Variants in SVOPL observed in about 807,000 individuals in gnomAD.
SVOPL encodes the protein SVOP like, also known as putative transporter SVOPL.
In SVOPL, 60 loss-of-function variants were observed where a neutral mutation model predicts 61.0. The observed-to-expected ratio is 0.98, with a 90% CI of 0.80 to 1.22. The LOEUF (loss-of-function observed/expected upper bound fraction) is 1.22. Among genes scored for constraint, SVOPL ranks in the 50% most tolerant of loss-of-function variants. The probability of loss-of-function intolerance (pLI) is 0.00; values close to 1 mark genes in which losing one functional copy is unlikely to be tolerated. For missense variants in SVOPL, 662 were observed against 643.9 expected, an observed-to-expected ratio of 1.03 and a Z score of -0.30; for synonymous variants, 279 against 250.0, an observed-to-expected ratio of 1.12 and a Z score of -1.09.
Position 138,627,454 on chromosome 7 carries a change from A to G in SVOPL, c.1077T>C (p.Pro359=). 6.2e-7 allele frequency: 1 copy of G among 1,612,120 alleles called. No homozygotes were observed. The highest frequency in any genetic ancestry group is 2.2e-5 in the East Asian group (1 of 44,864). The change falls in exon 12 of 16, where the codon CCT becomes CCC. Residue 359 remains proline, a synonymous_variant. Coordinates refer to ENST00000674285, the MANE Select transcript of SVOPL (RefSeq NM_001139456.2). ...ISTIGEIALN[P]LNILGINFLG... Reference sequence around the variant, plus strand: ...GGAAATTGATGCCCAGTATATTTAAAGGATTCACTAGAAAGCAAACAGTAA... The same window carrying G: ...GGAAATTGATGCCCAGTATATTTAAGGGATTCACTAGAAAGCAAACAGTAA...
intron 14 of SVOPL, among the ~76,000 whole-genome samples, chr7:138,611,207 G>T (rs530384883): frequency 6.6e-6 from 1 of 152,132 alleles, no homozygotes; most frequent in Non-Finnish European, 1.5e-5. Flanking sequence ...GCAAACCCTC[G>T]TCTCTATTAA....
chr7:138,628,679 G>A (rs1212666473), intron 10 of SVOPL, among the ~76,000 whole-genome samples: 1 of 152,188 alleles, frequency 6.6e-6, no homozygotes, highest in East Asian at 1.9e-4. Context: ...GAAAGTTCCA[G>A]TTACTTTGCC....
At chr7:138,628,526 T>C (rs918734352) in intron 10 of SVOPL, among the ~76,000 whole-genome samples, 163 bp from the exon 11 acceptor site, 1 of 152,186 alleles carries the variant, frequency 6.6e-6, no homozygotes, top group Non-Finnish European at 1.5e-5. Flanking sequence ...CTCTTACACA[T>C]CATACAGATG....
intron 9 of SVOPL, among the ~76,000 whole-genome samples, chr7:138,638,329 CA>C: frequency 7.0e-6 from 1 of 143,070 alleles, no homozygotes; most frequent in East Asian, 2.0e-4. Flanking sequence ...AAAGGAGATG[CA>C]AAAAACTCAT....
Position 138,650,693 on chromosome 7 carries a change from G to A in SVOPL, c.535-1556C>T, listed in dbSNP as rs944703950. Among the ~76,000 whole-genome samples the A allele has an allele frequency of 6.1e-5, 8 of 131,540 alleles. No individual in the cohort carries two copies. The Admixed American group carries it at 6.7e-4, about 11-fold the overall frequency. The allele number at this position is 131,540 out of a possible 152,430, so 86.3% of individuals were successfully genotyped here. On this transcript the variant is annotated intron_variant, in intron 7 of 15. Coordinates refer to ENST00000674285, the MANE Select transcript of SVOPL (RefSeq NM_001139456.2). ...CTAGGCACCATGACATGCACCTGTA[G>A]TCCCAGCTACTTAGGAGGCTGAGGT...
intron 10 of SVOPL, among the ~76,000 whole-genome samples, chr7:138,629,624 T>C (rs565112980): frequency 3.9e-5 from 6 of 152,310 alleles, no homozygotes; most frequent in African/African-American, 1.2e-4. Flanking sequence ...ATAGTTAGCA[T>C]GTTTTAGTCC....
intron 7 of SVOPL, among the ~76,000 whole-genome samples, chr7:138,654,981 A>G (rs1801649557): frequency 6.6e-6 from 1 of 150,396 alleles, no homozygotes; most frequent in South Asian, 2.1e-4. Flanking sequence ...GCTTGAGCTT[A>G]GGAGTTCGAG....
chr7:138,603,796 ACT>A (rs1165038622), intron 14 of SVOPL, among the ~76,000 whole-genome samples: 1 of 152,002 alleles, frequency 6.6e-6, no homozygotes, highest in African/African-American at 2.4e-5. Flanking sequence ...AAAGAGGAAA[ACT>A]CTGACATGAA....
intron 8 of SVOPL, chr7:138,646,411 G>A (rs1019379023): frequency 1.6e-5 from 3 of 186,120 alleles, no homozygotes; most frequent in Non-Finnish European, 3.5e-5. Context: ...TGTCTAAGAG[G>A]TCTGGTGACC....
At chr7:138,679,851 T>C (rs2117123624) in intron 1 of SVOPL, among the ~76,000 whole-genome samples, 1 of 152,314 alleles carries the variant, frequency 6.6e-6, no homozygotes, top group East Asian at 1.9e-4. Context: ...CATGAATTAT[T>C]CCCTCTAATC....
intron 14 of SVOPL, among the ~76,000 whole-genome samples, chr7:138,607,000 C>G (rs968596752): frequency 1.4e-4 from 21 of 149,816 alleles, no homozygotes; most frequent in African/African-American, 4.9e-4. Flanking sequence ...AGGACTTGCC[C>G]TAACTGTCTG....
At chr7:138,643,698 A>G (rs1800950240) in intron 9 of SVOPL, among the ~76,000 whole-genome samples, 2 of 151,456 alleles carry the variant, frequency 1.3e-5, no homozygotes, top group African/African-American at 4.9e-5. Flanking sequence ...TGAGGGATCT[A>G]GAATAGTCAA....
intron 9 of SVOPL, among the ~76,000 whole-genome samples, chr7:138,642,848 A>AAAAAAAAAAAGAAG (rs1437306629): frequency 1.4e-4 from 5 of 35,446 alleles, no homozygotes; most frequent in African/African-American, 2.7e-4. Context: ...AAAAAAAAAA[A>AAAAAAAAAAAGAAG]AAGAAGAAAC....
At chr7:138,647,878 C>A (rs1361417927) in intron 8 of SVOPL, among the ~76,000 whole-genome samples, 1 of 151,456 alleles carries the variant, frequency 6.6e-6, no homozygotes, top group Admixed American at 6.6e-5. Flanking sequence ...TAGTCACATG[C>A]CTGAAGCTAG....
At chr7:138,616,855 T>C (rs1799325237) in intron 14 of SVOPL, among the ~76,000 whole-genome samples, 1 of 152,210 alleles carries the variant, frequency 6.6e-6, no homozygotes, top group South Asian at 2.1e-4. Context: ...GGTGCAAACA[T>C]AGCTCATCAC....
At position 138,648,336 on chromosome 7, in the gene SVOPL, C is replaced by T. The variant is rs549084826; in HGVS notation, c.660+676G>A. 7.2e-5 allele frequency among the ~76,000 whole-genome samples: 11 copies of T among 151,956 alleles called. No individual in the cohort carries two copies. In the South Asian group the frequency reaches 1.7e-3, roughly 23 times the overall value. On this transcript the variant is annotated intron_variant, in intron 8 of 15. Transcript: ENST00000674285. The stretch of plus-strand genomic sequence containing the variant: ...ATAGGATGTGAGAAAGATGGCCTGG[C>T]GCGGTGGCTCATGCCTGTAATCCCA...
intron 6 of SVOPL, among the ~76,000 whole-genome samples, chr7:138,658,843 G>A (rs1801868795): frequency 1.3e-5 from 2 of 152,142 alleles, no homozygotes; most frequent in Non-Finnish European, 2.9e-5. Flanking sequence ...TATTAATGCT[G>A]TAAACTAGAA....
intron 4 of SVOPL, among the ~76,000 whole-genome samples, chr7:138,670,125 C>T (rs1298622318): frequency 6.6e-6 from 1 of 152,160 alleles, no homozygotes; most frequent in Non-Finnish European, 1.5e-5. Flanking sequence ...GAGATCTGCC[C>T]TAACCAAATC....
In SVOPL at chr7:138,628,302, C is replaced by A; in HGVS notation, c.925G>T (p.Asp309Tyr). The change falls in exon 11 of 16, where the codon GAC becomes TAC. Residue 309 changes from aspartate to tyrosine, a missense_variant. Transcript: ENST00000674285. ...ILASAELLER[D>Y]LVCGSKSDSA... The stretch of plus-strand genomic sequence containing the variant: ...TCTGACTTTGAACCACAGACCAAGT[C>A]CCGCTCCAGCAGCTCAGCACTGGCC... 1 of 1,614,192 alleles carries A rather than the reference C, an allele frequency of 6.2e-7. No homozygotes were observed. Among genetic ancestry groups the A allele is most frequent in the Non-Finnish European group, 8.5e-7 (1 of 1,180,042 alleles).
Sources: gnomAD v4.1 joint callset for allele counts (sites outside exome capture counted in the v4.1 genomes callset) on GRCh38, gnomAD v4.1.1 for gene constraint, MANE v1.5 for transcripts, NCBI Gene and HGNC (gene_info 2026-07-23, HGNC 2026-07-21) for gene names.